SLC9A7: variants seen among roughly 807,000 people sequenced by gnomAD.
SLC9A7 encodes the protein solute carrier family 9 member A7.
A neutral mutation model predicts 52.6 loss-of-function variants in SLC9A7; 19 were observed. The ratio of observed to expected loss-of-function variants is 0.36; its 90% CI spans 0.25 to 0.53. The LOEUF (loss-of-function observed/expected upper bound fraction) is 0.53, where lower values mean the gene tolerates loss of function less well. Among genes scored for constraint, SLC9A7 ranks in the 20% least tolerant of loss-of-function variants. The pLI, the probability that SLC9A7 is intolerant of heterozygous loss-of-function variation, is 0.91. For synonymous variants in SLC9A7, 226 were observed against 252.1 expected (o/e 0.90, Z 0.98); for missense variants, 455 against 597.9 (o/e 0.76, Z 2.49).
In SLC9A7 at chrX:46,603,923, G is replaced by T. The variant is rs763444394; in HGVS notation, c.*3029C>A. On this transcript the variant is annotated 3_prime_UTR_variant, in exon 17 of 17. Coordinates refer to ENST00000616978, the MANE Select transcript of SLC9A7 (RefSeq NM_001257291.2). ...GTGAACAAAGAACCATCACCAGGGTGTGTCTGTTAGTTTTTTCCCTCCAAA... is the reference window on the plus strand; with the variant it reads ...GTGAACAAAGAACCATCACCAGGGTTTGTCTGTTAGTTTTTTCCCTCCAAA... 15 of 112,340 alleles carry T rather than the reference G, an allele frequency of 1.3e-4. No individual in the cohort carries two copies. The highest frequency in any genetic ancestry group is 2.3e-4 in the Non-Finnish European group (12 of 53,217). The allele number at this position is 112,340 out of a possible 1,213,427, so 9.3% of individuals were successfully genotyped here.
At chrX:46,716,838 T>C (rs1944776641) in intron 1 of SLC9A7, among the ~76,000 whole-genome samples, 1 of 112,172 alleles carries the variant, frequency 8.9e-6, no homozygotes, top group Non-Finnish European at 1.9e-5. Flanking sequence ...AGTTCCCTGC[T>C]GTTTGGGGAA....
In SLC9A7 at chrX:46,725,343, T is replaced by C. The variant is rs183768410; in HGVS notation, c.325+33362A>G. 3.0e-5 allele frequency: 35 copies of C among 1,178,796 alleles called. No homozygotes were observed. The South Asian group carries it at 4.3e-4, about 14-fold the overall frequency. ...CAACTTTGCTTCTAGGTCATCTTCA[T>C]CCAGTTCTGGTGTGCCATAACTGCG... On this transcript the variant is annotated intron_variant, in intron 1 of 16. Transcript: ENST00000616978.
chrX:46,611,285 T>C (rs929756885), intron 16 of SLC9A7, among the ~76,000 whole-genome samples: 2 of 112,441 alleles, frequency 1.8e-5, no homozygotes, highest in Non-Finnish European at 3.7e-5. Context: ...AACAGGTAAC[T>C]AGCATTATTA....
intron 1 of SLC9A7, among the ~76,000 whole-genome samples, chrX:46,695,431 G>A (rs1323648296): frequency 8.9e-6 from 1 of 112,142 alleles, no homozygotes; most frequent in African/African-American, 3.2e-5. Flanking sequence ...AATCCTTCAG[G>A]ACCCTGGAAG....
At chrX:46,745,928 C>T (rs1921731569) in intron 1 of SLC9A7, among the ~76,000 whole-genome samples, 1 of 107,896 alleles carries the variant, frequency 9.3e-6, no homozygotes, top group East Asian at 2.9e-4. Flanking sequence ...ATAAGAATAT[C>T]AGTAAAGAGA....
chrX:46,636,337 T>C (rs1201096055), intron 12 of SLC9A7, among the ~76,000 whole-genome samples: 1 of 111,229 alleles, frequency 9.0e-6, no homozygotes. Flanking sequence ...CTCGGCAGCA[T>C]TGACATTTTG....
chrX:46,669,370 C>T lies in SLC9A7; in HGVS notation c.793+237G>A, dbSNP rs112882304. 3.5e-3 allele frequency among the ~76,000 whole-genome samples: 386 copies of T among 109,300 alleles called. 2 individuals carry two copies. Among genetic ancestry groups the T allele is most frequent in the African/African-American group, 0.012 (371 of 30,056 alleles). The allele number at this position is 109,300 out of a possible 115,157, so 94.9% of individuals were successfully genotyped here. ...AAGGCTGCAGTGAGCTGTGACTGCACCACTGCACTCTAGCTTGGGCAACAG... is the reference window on the plus strand; with the variant it reads ...AAGGCTGCAGTGAGCTGTGACTGCATCACTGCACTCTAGCTTGGGCAACAG... On this transcript the variant is annotated intron_variant, in intron 5 of 16. Transcript: ENST00000616978.
intron 1 of SLC9A7, among the ~76,000 whole-genome samples, chrX:46,731,014 A>G (rs1206490294): frequency 9.2e-6 from 1 of 109,163 alleles, no homozygotes; most frequent in Non-Finnish European, 1.9e-5. Flanking sequence ...AAGAAGAACC[A>G]GGAAGACTCA....
chrX:46,706,506 G>A (rs1335919920), intron 1 of SLC9A7, among the ~76,000 whole-genome samples: 1 of 110,539 alleles, frequency 9.0e-6, no homozygotes, highest in East Asian at 2.9e-4. Context: ...AACTTTAAAG[G>A]AGCAGTTCTA....
intron 11 of SLC9A7, chrX:46,646,911 G>A: frequency 6.3e-6 from 2 of 315,682 alleles, no homozygotes; most frequent in Non-Finnish European, 1.2e-5. Context: ...GATCTTCAGT[G>A]AGGGGTACAT....
intron 16 of SLC9A7, 94 bp from the exon 17 acceptor site, chrX:46,607,297 G>C (rs1460766518): frequency 1.0e-6 from 1 of 985,860 alleles, no homozygotes; most frequent in African/African-American, 1.9e-5. Flanking sequence ...CTCCTCATCT[G>C]AAAACTGGGG....
At chrX:46,688,798 C>G (rs1944337761) in intron 1 of SLC9A7, among the ~76,000 whole-genome samples, 1 of 109,450 alleles carries the variant, frequency 9.1e-6, no homozygotes, top group Non-Finnish European at 1.9e-5. Context: ...TGAAATGTCT[C>G]GTCATTCAAA....
chrX:46,688,330 G>A (rs1363975317), intron 1 of SLC9A7, among the ~76,000 whole-genome samples: 1 of 111,704 alleles, frequency 9.0e-6, no homozygotes, highest in Non-Finnish European at 1.9e-5. Context: ...GGGCGCAGTG[G>A]CTCACACCTG....
chrX:46,653,767 AG>A, intron 7 of SLC9A7, 53 bp from the exon 8 acceptor site: 1 of 955,162 alleles, frequency 1.0e-6, no homozygotes, highest in Non-Finnish European at 1.5e-6. Context: ...AGGGCCACCA[AG>A]AACCATACTC....
At chrX:46,671,740 T>A (rs1944028334) in intron 4 of SLC9A7, among the ~76,000 whole-genome samples, 1 of 112,205 alleles carries the variant, frequency 8.9e-6, no homozygotes, top group African/African-American at 3.2e-5. Context: ...ATCACAAATA[T>A]CAAGGTACAT....
At chrX:46,744,770 C>T (rs1292473652) in intron 1 of SLC9A7, among the ~76,000 whole-genome samples, 7 of 111,617 alleles carry the variant, frequency 6.3e-5, no homozygotes, top group Admixed American at 1.9e-4. Flanking sequence ...TTAAAAATAC[C>T]GTGTTTGGTA....
chrX:46,729,727 C>G (rs1251214179), intron 1 of SLC9A7, among the ~76,000 whole-genome samples: 1 of 110,752 alleles, frequency 9.0e-6, no homozygotes, highest in Admixed American at 9.6e-5. Context: ...GAGCCAAGAT[C>G]ACGCTACTGC....
At chrX:46,612,799 G>A (rs924446917) in intron 16 of SLC9A7, among the ~76,000 whole-genome samples, 3 of 108,195 alleles carry the variant, frequency 2.8e-5, no homozygotes, top group South Asian at 4.1e-4. Flanking sequence ...GGTGGCAGGC[G>A]CCTGTAATCC....
In SLC9A7 at chrX:46,601,464, G is replaced by A. The variant is rs3209594; in HGVS notation, c.*5488C>T. Reference sequence around the variant, plus strand: ...AACTGTTAGTTCTTTGTCCTAGACCGAATCGTTCATGGATAGCTGAGATAC... The same window carrying A: ...AACTGTTAGTTCTTTGTCCTAGACCAAATCGTTCATGGATAGCTGAGATAC... On this transcript the variant is annotated 3_prime_UTR_variant, in exon 17 of 17. Coordinates refer to ENST00000616978, the MANE Select transcript of SLC9A7 (RefSeq NM_001257291.2). 27,429 of 111,791 alleles carry A rather than the reference G, an allele frequency of 0.25. 2,679 individuals are homozygous for A. Among genetic ancestry groups the A allele is most frequent in the Middle Eastern group, 0.36 (77 of 211 alleles). The allele number at this position is 111,791 out of a possible 1,213,427, so 9.2% of individuals were successfully genotyped here.
Sources: gnomAD v4.1 joint callset for allele counts (sites outside exome capture counted in the v4.1 genomes callset) on GRCh38, gnomAD v4.1.1 for gene constraint, MANE v1.5 for transcripts, NCBI Gene and HGNC (gene_info 2026-07-23, HGNC 2026-07-21) for gene names.